Variants in ERBB3 observed in about 807,000 individuals in gnomAD.
ERBB3 encodes receptor tyrosine-protein kinase erbB-3.
ERBB3 carries 96 observed loss-of-function variants against 156.7 expected under a neutral mutation model. The observed-to-expected ratio is 0.61, with a 90% confidence interval of 0.52 to 0.73. ERBB3 has a LOEUF of 0.73. Ranked by LOEUF, ERBB3 falls within the 30% of genes least tolerant of loss-of-function variation. The probability of loss-of-function intolerance (pLI) is 0.00; values close to 1 mark genes in which losing one functional copy is unlikely to be tolerated. For missense variants in ERBB3, 1,406 were observed against 1,709.4 expected, an observed-to-expected ratio of 0.82 and a Z score of 3.13; for synonymous variants, 567 against 632.0, an observed-to-expected ratio of 0.90 and a Z score of 1.54.
rs1364352734 is a variant in ERBB3, at chr12:56,099,833, T to C, written c.2938-5T>C. 6.2e-6 allele frequency: 10 copies of C among 1,613,230 alleles called. No individual in the cohort carries two copies. The South Asian group carries it at 6.6e-5, about 11-fold the overall frequency. ...ATTCCCCCTAACAATCACCTATCGA[T>C]ATAGAGAGAGAGTGGGCCTGGAATA... On this transcript the variant is annotated splice_polypyrimidine_tract_variant and splice_region_variant and intron_variant, in intron 24 of 27. Transcript: ENST00000267101.
At position 56,080,268 on chromosome 12, in the gene ERBB3, C is replaced by T. The variant is rs940815691; in HGVS notation, c.-33C>T. ...CTAGCCTAGGGGCCCCCGGGCCGGA[C>T]TTGGCTGGGCTCCCTTCACCCTCTG... On this transcript the variant is annotated 5_prime_UTR_variant, in exon 1 of 28. Transcript: ENST00000267101. 9.7e-6 allele frequency: 15 copies of T among 1,539,352 alleles called. No individual in the cohort carries two copies. The highest frequency in any genetic ancestry group is 1.3e-5 in the Non-Finnish European group (15 of 1,136,532).
At chr12:56,094,065 A>G (rs373365979) in intron 13 of ERBB3, 34 bp from the exon 14 acceptor site, 17 of 1,590,490 alleles carry the variant, frequency 1.1e-5, no homozygotes, top group Non-Finnish European at 1.5e-5. Flanking sequence ...AGGACTTGGA[A>G]GTGACCCCCC....
chr12:56,099,810 T>C (rs1373887585), intron 24 of ERBB3, 28 bp from the exon 25 acceptor site: 2 of 1,613,554 alleles, frequency 1.2e-6, no homozygotes, highest in Admixed American at 3.3e-5. Context: ...GAACCAGGAT[T>C]CCCCCTAACA....
Position 56,102,721 on chromosome 12 carries a change from C to G in ERBB3, c.*666C>G, listed in dbSNP as rs928380780. 1 of 198,612 alleles carries G rather than the reference C, an allele frequency of 5.0e-6. No individual in the cohort carries two copies. Among genetic ancestry groups the G allele is most frequent in the African/African-American group, 2.4e-5 (1 of 42,250 alleles). The allele number at this position is 198,612 out of a possible 1,614,324, so 12.3% of individuals were successfully genotyped here. A position where few individuals can be genotyped will look rare whatever the true frequency, so the allele number is the denominator to read the frequency against. On this transcript the variant is annotated 3_prime_UTR_variant, in exon 28 of 28. Coordinates refer to ENST00000267101, the MANE Select transcript of ERBB3 (RefSeq NM_001982.4). ...TGGTGGCTCATGCCTGTAATCTCAG[C>G]ACTTTGGGAGGCTGAGGCAGAAGGA...
Position 56,080,528 on chromosome 12 carries a change from G to T in ERBB3, c.82+146G>T, listed in dbSNP as rs1290550954. The stretch of plus-strand genomic sequence containing the variant: ...TGCCAGGACCACCTGGGAGAGGGGC[G>T]GTCAGGCTCGGGTTATCGGCGTGGT... On this transcript the variant is annotated intron_variant, in intron 1 of 27. Coordinates refer to ENST00000267101, the MANE Select transcript of ERBB3 (RefSeq NM_001982.4). 4.5e-6 allele frequency: 3 copies of T among 670,628 alleles called. No homozygotes were observed. The East Asian group carries it at 8.2e-5, about 18-fold the overall frequency. 41.5% of individuals were successfully genotyped at this position (670,628 alleles called of 1,614,324 possible).
intron 3 of ERBB3, among the ~76,000 whole-genome samples, 167 bp from the exon 4 acceptor site, chr12:56,086,364 C>T (rs1307123606): frequency 6.6e-6 from 1 of 152,094 alleles, no homozygotes; most frequent in African/African-American, 2.4e-5. Context: ...GGCCTGACTC[C>T]TCATCTTATA....
At chr12:56,101,422 CTT>C in intron 27 of ERBB3, 61 bp downstream of exon 27, 7 of 1,601,364 alleles carry the variant, frequency 4.4e-6, no homozygotes, top group Non-Finnish European at 6.0e-6. Flanking sequence ...CCGGGCTCCT[CTT>C]TTTTCTTCTC....
Position 56,099,993 on chromosome 12 carries a change from C to T in ERBB3, c.3093C>T (p.Leu1031=), listed in dbSNP as rs2136826286. 1 of 1,614,246 alleles carries T rather than the reference C, an allele frequency of 6.2e-7. No homozygotes were observed. Reference sequence around the variant, plus strand: ...CAACCACCACACTGGGCTCCGCCCTCAGCCTACCAGTTGGAACACTTAATC... The same window carrying T: ...CAACCACCACACTGGGCTCCGCCCTTAGCCTACCAGTTGGAACACTTAATC... The part of the protein sequence containing the change: ...NLATTTLGSA[L]SLPVGTLNRP... Residue 1031 remains leucine, a synonymous_variant, in exon 25 of 28, where the codon CTC becomes CTT. Transcript: ENST00000267101.
Position 56,096,812 on chromosome 12 carries a change from A to G in ERBB3, c.2240A>G (p.Lys747Arg). The change falls in exon 19 of 28, where the codon AAG (lysine) becomes AGG (arginine). Residue 747 changes from lysine (K) to arginine (R), a missense_variant. This residue lies in a region of ERBB3 where 979 missense variants were observed against 1,219.6 expected (regional missense o/e 0.80). Coordinates refer to ENST00000267101, the MANE Select transcript of ERBB3 (RefSeq NM_001982.4). ...GTCTGCATTAAAGTCATTGAGGACA[A>G]GAGTGGACGGCAGAGTTTTCAAGCT... Reference protein sequence around the residue: ...IPVCIKVIEDKSGRQSFQAVT... With the variant: ...IPVCIKVIEDRSGRQSFQAVT... 1 of 1,614,072 alleles carries G rather than the reference A, an allele frequency of 6.2e-7. No individual in the cohort carries two copies. The highest frequency in any genetic ancestry group is 1.1e-5 in the South Asian group (1 of 91,082).
At chr12:56,082,939 C>T (rs962823288) in intron 1 of ERBB3, among the ~76,000 whole-genome samples, 1 of 152,130 alleles carries the variant, frequency 6.6e-6, no homozygotes, top group Non-Finnish European at 1.5e-5. Flanking sequence ...TACTCTAGGG[C>T]TGGAAAGTGA....
rs1868556732 is a variant in ERBB3 at position 56,088,393 on chromosome 12, C to T, written c.875-150C>T. 7.0e-6 allele frequency: 6 copies of T among 858,352 alleles called. No individual in the cohort carries two copies. The South Asian group carries it at 8.0e-5, about 11-fold the overall frequency. The allele number at this position is 858,352 out of a possible 1,614,324, so 53.2% of individuals were successfully genotyped here. A position where few individuals can be genotyped will look rare whatever the true frequency, so the allele number is the denominator to read the frequency against. On this transcript the variant is annotated intron_variant, in intron 7 of 27. Transcript: ENST00000267101. Reference sequence around the variant, plus strand: ...ACAAATAGTGAAGAGACTTTTGAATCTATAGGGCAGCACTTAAGGGATCTA... The same window carrying T: ...ACAAATAGTGAAGAGACTTTTGAATTTATAGGGCAGCACTTAAGGGATCTA...
At chr12:56,100,912 C>G in intron 26 of ERBB3, 149 bp from the exon 27 acceptor site, 1 of 687,094 alleles carries the variant, frequency 1.5e-6, no homozygotes, top group African/African-American at 2.0e-5. Context: ...GCACTCCAGC[C>G]TGGGCGACAA....
In ERBB3 at chr12:56,087,846, A is replaced by T. The variant is rs767977511; in HGVS notation, c.665A>T (p.Asn222Ile). ...TGTAATGGTCACTGCTTTGGGCCCA[A>T]CCCCAACCAGTGCTGCCATGATGAG... The part of the protein sequence containing the change: ...PQCNGHCFGP[N>I]PNQCCHDECA... The change falls in exon 6 of 28, where the codon AAC (asparagine) becomes ATC (isoleucine). Residue 222 changes from asparagine to isoleucine, a missense_variant. Asn to Ile is a moderately radical substitution (Grantham distance 149, BLOSUM62 -3). Transcript: ENST00000267101. 1 of 1,613,630 alleles carries T rather than the reference A, an allele frequency of 6.2e-7. No homozygotes were observed.
chr12:56,098,661 A>T, intron 22 of ERBB3, 86 bp downstream of exon 22: 1 of 1,572,226 alleles, frequency 6.4e-7, no homozygotes, highest in Middle Eastern at 1.7e-4. Context: ...ATCTCTAAGC[A>T]CTTCAGATTT....
chr12:56,083,713 G>A (rs754497375), intron 1 of ERBB3, 38 bp from the exon 2 acceptor site: 2 of 1,612,402 alleles, frequency 1.2e-6, no homozygotes, highest in South Asian at 2.2e-5. Context: ...GAGAATTTGT[G>A]TCCAGCCCTC....
chr12:56,100,221 G>C lies in ERBB3; in HGVS notation c.3177G>C (p.Gln1059His). Residue 1059 changes from glutamine to histidine, a missense_variant, in exon 26 of 28, where the codon CAG becomes CAC. This residue lies in a region of ERBB3 where 415 missense variants were observed against 454.1 expected (regional missense o/e 0.91). Transcript: ENST00000267101. ...SPSSGYMPMNQGNLGESCQES... is the reference protein window; with the variant it reads ...SPSSGYMPMNHGNLGESCQES... ...CATCTGGATACATGCCCATGAACCA[G>C]GGTAATCTTGGGGAGTCTTGCCAGG... 6.2e-7 allele frequency: 1 copy of C among 1,614,018 alleles called. No individual in the cohort carries two copies. Among genetic ancestry groups the C allele is most frequent in the Non-Finnish European group, 8.5e-7 (1 of 1,179,888 alleles).
rs945786540 is a variant in ERBB3, at chr12:56,102,441, G to T, written c.*386G>T. On this transcript the variant is annotated 3_prime_UTR_variant, in exon 28 of 28. Transcript: ENST00000267101. ...GTTTCCCATCAGACTGTCAAGAAGA[G>T]GAAAGGGAGGAAACCTAGCAGAGGA... is the stretch of plus-strand genomic sequence containing the variant. 4.5e-5 allele frequency: 12 copies of T among 265,286 alleles called. No homozygotes were observed. The highest frequency in any genetic ancestry group is 2.2e-4 in the African/African-American group (10 of 45,738). 16.4% of individuals were successfully genotyped at this position (265,286 alleles called of 1,614,324 possible).
At chr12:56,092,605 TC>T (rs1404345689) in intron 9 of ERBB3, 141 bp from the exon 10 acceptor site, 11 of 708,458 alleles carry the variant, frequency 1.6e-5, no homozygotes, top group Non-Finnish European at 2.9e-5. Context: ...ATATTATATT[TC>T]CCCCATCCCA....
intron 7 of ERBB3, 54 bp downstream of exon 7, chr12:56,088,216 A>G: frequency 6.3e-7 from 1 of 1,593,894 alleles, no homozygotes; most frequent in East Asian, 2.2e-5. Context: ...CCAAGATTTT[A>G]GACAAAATTG....
Sources: gnomAD v4.1 joint callset for allele counts (sites outside exome capture counted in the v4.1 genomes callset) on GRCh38, gnomAD v4.1.1 for gene constraint, gnomAD v4.1.1 regional missense constraint, MANE v1.5 for transcripts, NCBI Gene and HGNC (gene_info 2026-07-23, HGNC 2026-07-21) for gene names.